The following GRM7 variants were observed in gnomAD, a reference collection of about 807,000 sequenced individuals.
The protein encoded by GRM7 is metabotropic glutamate receptor 7.
In GRM7, 35 loss-of-function variants were observed where a neutral mutation model predicts 84.5. The observed-to-expected ratio is 0.41, with a 90% CI of 0.32 to 0.55. GRM7 has a LOEUF of 0.55. Among genes scored for constraint, GRM7 ranks in the 20% least tolerant of loss-of-function variants. The probability of loss-of-function intolerance (pLI) is 0.19; values close to 1 mark genes in which losing one functional copy is unlikely to be tolerated. For synonymous variants in GRM7, 487 were observed against 455.1 expected (o/e 1.07, Z -0.89); for missense variants, 1,003 against 1,194.6 (o/e 0.84, Z 2.36).
intron 1 of GRM7, among the ~76,000 whole-genome samples, chr3:6,888,005 G>GT (rs1177955257): frequency 6.6e-6 from 1 of 152,120 alleles, no homozygotes; most frequent in African/African-American, 2.4e-5. Flanking sequence ...TTTTTCATGT[G>GT]TTTTTTGGCT....
At chr3:7,130,300 T>G (rs1434200120) in intron 1 of GRM7, among the ~76,000 whole-genome samples, 3 of 152,216 alleles carry the variant, frequency 2.0e-5, no homozygotes, top group African/African-American at 7.2e-5. Context: ...TGCCAGCACT[T>G]TGGGAGACCG....
intron 2 of GRM7, among the ~76,000 whole-genome samples, chr3:7,177,584 G>A (rs1695197124): frequency 6.6e-6 from 1 of 151,216 alleles, no homozygotes. Flanking sequence ...GCGGGCGACA[G>A]AGTGACATGG....
rs397988598 is a variant in GRM7, at chr3:7,240,120, GTTTTTTT to G, written c.737-58546_737-58540del. ...TACCAGTAATCTTTTAGCATGTGAG[GTTTTTTT>G]TTTTTTTTTTTTTTTTTCCAGTGGC... On this transcript the variant is annotated intron_variant, in intron 2 of 9. Coordinates refer to ENST00000357716, the MANE Select transcript of GRM7 (RefSeq NM_000844.4). Among the ~76,000 whole-genome samples the G allele has an allele frequency of 7.4e-4, 39 of 52,732 alleles. 1 individual carries two copies. Among genetic ancestry groups the G allele is most frequent in the African/African-American group, 8.4e-4 (12 of 14,282 alleles). The allele number at this position is 52,732 out of a possible 152,430, so 34.6% of individuals were successfully genotyped here.
At chr3:7,534,573 C>G (rs188507483) in intron 7 of GRM7, among the ~76,000 whole-genome samples, 2 of 152,170 alleles carry the variant, frequency 1.3e-5, no homozygotes, top group East Asian at 3.9e-4. Context: ...TTCCAAGGCC[C>G]CACCCAGAAT....
intron 7 of GRM7, among the ~76,000 whole-genome samples, chr3:7,543,194 G>A (rs1272101306): frequency 6.6e-6 from 1 of 152,228 alleles, no homozygotes; most frequent in East Asian, 1.9e-4. Context: ...ATAGGAGACA[G>A]CACTAAATTT....
intron 1 of GRM7, among the ~76,000 whole-genome samples, chr3:7,100,148 C>T (rs1699061851): frequency 6.6e-6 from 1 of 151,360 alleles, no homozygotes; most frequent in Non-Finnish European, 1.5e-5. Context: ...AGAAAAATGG[C>T]ACAGAAACAA....
intron 8 of GRM7, among the ~76,000 whole-genome samples, chr3:7,644,213 C>CGTATATATATATAT (rs879687003): frequency 7.4e-6 from 1 of 134,718 alleles, no homozygotes; most frequent in African/African-American, 3.0e-5. Flanking sequence ...TATGTCTGTA[C>CGTATATATATATAT]ATATATATGT....
intron 4 of GRM7, 69 bp downstream of exon 4, chr3:7,306,721 G>A: frequency 7.4e-7 from 1 of 1,344,460 alleles, no homozygotes; most frequent in Non-Finnish European, 1.0e-6. Flanking sequence ...CCAAGCATGT[G>A]ACTTTTTAGG....
chr3:6,942,487 A>C (rs1697926904), intron 1 of GRM7, among the ~76,000 whole-genome samples: 1 of 152,144 alleles, frequency 6.6e-6, no homozygotes, highest in South Asian at 2.1e-4. Flanking sequence ...AAAAGAGCTC[A>C]CATAGTCACT....
intron 4 of GRM7, among the ~76,000 whole-genome samples, chr3:7,365,521 T>A (rs1453317437): frequency 1.3e-5 from 2 of 151,418 alleles, no homozygotes; most frequent in African/African-American, 4.8e-5. Flanking sequence ...TTCTTTTTAA[T>A]AGATTCCTTC....
chr3:6,922,222 T>C (rs1421806335), intron 1 of GRM7, among the ~76,000 whole-genome samples: 1 of 152,230 alleles, frequency 6.6e-6, no homozygotes, highest in Non-Finnish European at 1.5e-5. Context: ...ACCTGCCAGT[T>C]TACTTTTTCT....
chr3:7,272,863 T>A (rs990855452), intron 2 of GRM7, among the ~76,000 whole-genome samples: 3 of 152,044 alleles, frequency 2.0e-5, no homozygotes, highest in African/African-American at 7.2e-5. Context: ...CTGCTCTAAT[T>A]TTTATTATTT....
At chr3:6,879,615 A>G (rs1383478850) in intron 1 of GRM7, among the ~76,000 whole-genome samples, 1 of 152,204 alleles carries the variant, frequency 6.6e-6, no homozygotes, top group Non-Finnish European at 1.5e-5. Context: ...TGTTGTGAAT[A>G]GTATCAGGAC....
At chr3:7,462,520 C>A (rs1698290278) in intron 7 of GRM7, among the ~76,000 whole-genome samples, 1 of 152,212 alleles carries the variant, frequency 6.6e-6, no homozygotes, top group Admixed American at 6.5e-5. Context: ...CTTTAATGTC[C>A]TTTGTAAAGC....
intron 1 of GRM7, among the ~76,000 whole-genome samples, chr3:6,970,044 G>T (rs1043218164): frequency 6.6e-6 from 1 of 152,168 alleles, no homozygotes; most frequent in Non-Finnish European, 1.5e-5. Context: ...CCACCCGACT[G>T]CCTGCACTAA....
chr3:7,365,664 T>TATATAC (rs372167085), intron 4 of GRM7, among the ~76,000 whole-genome samples: 2 of 144,600 alleles, frequency 1.4e-5, no homozygotes, highest in African/African-American at 5.0e-5. Context: ...TATATATATA[T>TATATAC]ACACACACGC....
chr3:6,948,792 C>T (rs1698191533), intron 1 of GRM7, among the ~76,000 whole-genome samples: 1 of 152,112 alleles, frequency 6.6e-6, no homozygotes, highest in African/African-American at 2.4e-5. Context: ...TTGAATTGAT[C>T]CCTTTACCAT....
At chr3:7,419,303 G>A (rs989043829) in intron 5 of GRM7, among the ~76,000 whole-genome samples, 4 of 152,128 alleles carry the variant, frequency 2.6e-5, no homozygotes, top group African/African-American at 9.7e-5. Context: ...CACAGAGTGT[G>A]TGTCCAAGGC....
At chr3:7,572,322 G>T (rs1339038717) in intron 7 of GRM7, among the ~76,000 whole-genome samples, 1 of 152,004 alleles carries the variant, frequency 6.6e-6, no homozygotes, top group East Asian at 1.9e-4. Context: ...ATTTATCTGG[G>T]GTGTGGTACA....
Sources: gnomAD v4.1 joint callset for allele counts (sites outside exome capture counted in the v4.1 genomes callset) on GRCh38, gnomAD v4.1.1 for gene constraint, MANE v1.5 for transcripts, NCBI Gene and HGNC (gene_info 2026-07-23, HGNC 2026-07-21) for gene names.